SLC4A4: variants seen among roughly 807,000 people sequenced by gnomAD.
The protein encoded by SLC4A4 is solute carrier family 4 member 4.
In SLC4A4, 27 loss-of-function variants were observed where a neutral mutation model predicts 111.5. The observed-to-expected ratio is 0.24, with a 90% CI of 0.18 to 0.33. The LOEUF (loss-of-function observed/expected upper bound fraction) is 0.33. Ranked by LOEUF, SLC4A4 falls within the 10% of genes least tolerant of loss-of-function variation. The pLI is 1.00. For missense variants in SLC4A4, 909 were observed against 1,315.5 expected, an observed-to-expected ratio of 0.69 and a Z score of 4.78; for synonymous variants, 443 against 463.4, an observed-to-expected ratio of 0.96 and a Z score of 0.57.
At chr4:71,323,745 G>GTTATCCA (rs1727296654) in intron 3 of SLC4A4, among the ~76,000 whole-genome samples, 1 of 151,958 alleles carries the variant, frequency 6.6e-6, no homozygotes, top group Non-Finnish European at 1.5e-5. Flanking sequence ...CAAAATTCCT[G>GTTATCCA]TTATCCATTA....
At chr4:71,221,637 G>A (rs1011776368) in intron 1 of SLC4A4, among the ~76,000 whole-genome samples, 1 of 152,152 alleles carries the variant, frequency 6.6e-6, no homozygotes, top group Non-Finnish European at 1.5e-5. Flanking sequence ...CTAGCACTAC[G>A]TGTTGCCATC....
chr4:71,405,767 T>C (rs1380368078), intron 7 of SLC4A4, among the ~76,000 whole-genome samples: 1 of 152,214 alleles, frequency 6.6e-6, no homozygotes, highest in Non-Finnish European at 1.5e-5. Context: ...AAAAGCTTAG[T>C]GATTCAAAAT....
chr4:71,098,262 C>T (rs1742616930), intron 2 of SLC4A4, among the ~76,000 whole-genome samples: 1 of 152,202 alleles, frequency 6.6e-6, no homozygotes, highest in Non-Finnish European at 1.5e-5. Flanking sequence ...GTTATCCCAG[C>T]ACCATTTTAT....
At chr4:71,219,015 A>G (rs1439777876) in intron 1 of SLC4A4, among the ~76,000 whole-genome samples, 2 of 152,086 alleles carry the variant, frequency 1.3e-5, no homozygotes, top group Non-Finnish European at 2.9e-5. Flanking sequence ...TAGTTTTTGG[A>G]GAGTTTTTAT....
At position 71,138,773 on chromosome 4, in the gene SLC4A4, A is replaced by T. The variant is rs575974635; in HGVS notation, c.-2+45981A>T. The stretch of plus-strand genomic sequence containing the variant: ...GTAAGTTGGCCGGGCGCGGTGGCTC[A>T]CGCCTGTAATCCCAGCACTTTGGGA... On this transcript the variant is annotated intron_variant, in intron 2 of 26. Coordinates refer to the SLC4A4 transcript ENST00000649996. 7.9e-5 allele frequency among the ~76,000 whole-genome samples: 12 copies of T among 152,192 alleles called. No homozygotes were observed. The South Asian group carries it at 2.5e-3, about 32-fold the overall frequency.
At chr4:71,167,994 ATTAT>A (rs1286179334) in intron 2 of SLC4A4, among the ~76,000 whole-genome samples, 7 of 151,798 alleles carry the variant, frequency 4.6e-5, no homozygotes, top group East Asian at 1.9e-4. Flanking sequence ...ATTTTTTGAA[ATTAT>A]TTATTTGTTT....
intron 1 of SLC4A4, among the ~76,000 whole-genome samples, chr4:71,204,171 A>T (rs1378113159): frequency 6.6e-6 from 1 of 152,212 alleles, no homozygotes; most frequent in Non-Finnish European, 1.5e-5. Flanking sequence ...TCAGTTTCCA[A>T]CAATAAACCT....
At chr4:71,325,575 A>C (rs951191710) in intron 3 of SLC4A4, among the ~76,000 whole-genome samples, 1 of 151,968 alleles carries the variant, frequency 6.6e-6, no homozygotes, top group African/African-American at 2.4e-5. Context: ...TCTGTACTTC[A>C]TAGCTTTTAT....
At chr4:71,068,061 CGTT>C (rs1741571048) in intron 1 of SLC4A4, among the ~76,000 whole-genome samples, 1 of 132,370 alleles carries the variant, frequency 7.6e-6, no homozygotes. Context: ...TTTGAACAAA[CGTT>C]TTTTTTTTTT....
At chr4:71,208,156 C>T (rs1007710105) in intron 1 of SLC4A4, among the ~76,000 whole-genome samples, 39 of 150,886 alleles carry the variant, frequency 2.6e-4, no homozygotes, top group African/African-American at 9.0e-4. Flanking sequence ...GTTGGCTGGG[C>T]GTGGTGGCTC....
chr4:71,330,387 T>C (rs1727871032), intron 3 of SLC4A4, among the ~76,000 whole-genome samples: 1 of 152,110 alleles, frequency 6.6e-6, no homozygotes, highest in Non-Finnish European at 1.5e-5. Context: ...AAAACAGAGA[T>C]ATAGACCAAT....
chr4:71,195,482 C>G (rs1471425419), intron 1 of SLC4A4, among the ~76,000 whole-genome samples: 5 of 152,010 alleles, frequency 3.3e-5, no homozygotes, highest in Non-Finnish European at 7.4e-5. Flanking sequence ...TAGTAAACAG[C>G]TTTTGTTTTC....
At chr4:71,401,969 T>C (rs770122291) in intron 7 of SLC4A4, among the ~76,000 whole-genome samples, 1 of 152,204 alleles carries the variant, frequency 6.6e-6, no homozygotes, top group Non-Finnish European at 1.5e-5. Context: ...AGCTGGCTAA[T>C]CTGAGAATCT....
intron 7 of SLC4A4, among the ~76,000 whole-genome samples, chr4:71,436,072 G>C (rs1208179727): frequency 6.6e-6 from 1 of 152,178 alleles, no homozygotes; most frequent in South Asian, 2.1e-4. Context: ...ATACCCAAAA[G>C]ATTATAAATC....
rs570483413 is a variant in SLC4A4, at chr4:71,114,202, C to T, written c.-2+21410C>T. On this transcript the variant is annotated intron_variant, in intron 2 of 26. Coordinates refer to the SLC4A4 transcript ENST00000649996. ...CAGAGCTTGCAGTGAGTCGAGATGG[C>T]GCCACTGCACTCCAGCCTGGGTGAC... Among the ~76,000 whole-genome samples the T allele has an allele frequency of 2.1e-4, 32 of 152,210 alleles. No homozygotes were observed. In the East Asian group the frequency reaches 3.3e-3, roughly 16 times the overall value.
At chr4:71,260,528 C>T (rs1721782004) in intron 3 of SLC4A4, among the ~76,000 whole-genome samples, 1 of 152,210 alleles carries the variant, frequency 6.6e-6, no homozygotes. Flanking sequence ...ACTATACCAT[C>T]TCTTTCATCC....
intron 3 of SLC4A4, among the ~76,000 whole-genome samples, chr4:71,273,158 A>G (rs940413388): frequency 6.6e-6 from 1 of 152,224 alleles, no homozygotes; most frequent in African/African-American, 2.4e-5. Flanking sequence ...ACTCCATTTT[A>G]TAGATGAAAT....
At chr4:71,235,697 G>A (rs891477570) in intron 1 of SLC4A4, among the ~76,000 whole-genome samples, 3 of 152,196 alleles carry the variant, frequency 2.0e-5, no homozygotes, top group African/African-American at 7.2e-5. Flanking sequence ...GCATCGGGAG[G>A]CCCTAAAAAC....
intron 3 of SLC4A4, among the ~76,000 whole-genome samples, chr4:71,296,934 C>T (rs1205979911): frequency 6.6e-6 from 1 of 152,142 alleles, no homozygotes; most frequent in African/African-American, 2.4e-5. Context: ...TAAAGTATTA[C>T]TGGAAAAAAA....
Sources: gnomAD v4.1 joint callset for allele counts (sites outside exome capture counted in the v4.1 genomes callset) on GRCh38, gnomAD v4.1.1 for gene constraint, MANE v1.5 for transcripts, NCBI Gene and HGNC (gene_info 2026-07-23, HGNC 2026-07-21) for gene names.